Variants in GPS2 observed in about 807,000 individuals in gnomAD.
The protein encoded by GPS2 is GPS-2.
Under a neutral mutation model 48.1 loss-of-function variants are expected in GPS2, and 22 were observed. That is an observed-to-expected ratio of 0.46 (90% CI 0.33 to 0.65). The LOEUF (loss-of-function observed/expected upper bound fraction) is 0.65. GPS2 is among the 30% of genes least tolerant of loss of function. The pLI is 0.03. For missense variants in GPS2, 366 were observed against 406.8 expected (o/e 0.90, Z 0.86); for synonymous variants, 202 against 142.5 (o/e 1.42, Z -2.98).
chr17:7,313,466 G>A lies in GPS2; in HGVS notation c.638C>T (p.Pro213Leu), dbSNP rs1297241292. 6 of 1,614,196 alleles carry A rather than the reference G, an allele frequency of 3.7e-6. No homozygotes were observed. The highest frequency in any genetic ancestry group is 5.1e-6 in the Non-Finnish European group (6 of 1,180,016). Residue 213 changes from proline to leucine, a missense_variant, in exon 8 of 11, where the codon CCT becomes CTT. Around this residue, in one of 3 missense-constraint regions of GPS2, gnomAD observed 275 missense variants for 282.3 expected, o/e 0.97. Coordinates refer to ENST00000380728, the MANE Select transcript of GPS2 (RefSeq NM_004489.5). ...GTACTGCACTGCAGGGAATGCCGAA[G>A]GAGCTGAGAAAGGAAAAGACAGAGC... ...AYSPSQQLRA[P>L]SAFPAVQYLS...
chr17:7,314,944 AT>A lies in GPS2; in HGVS notation c.94+14del. ...ATTCTGGGCCGTGCGTCCCCCTGCTATGGCCCCGGCTCACCCTGCCGCTTGC... is the reference window on the plus strand; with the variant it reads ...ATTCTGGGCCGTGCGTCCCCCTGCTAGGCCCCGGCTCACCCTGCCGCTTGC... On this transcript the variant is annotated intron_variant, in intron 2 of 10. Transcript: ENST00000380728. 6.4e-7 allele frequency: 1 copy of A among 1,565,032 alleles called. No individual in the cohort carries two copies. Among genetic ancestry groups the A allele is most frequent in the Non-Finnish European group, 8.7e-7 (1 of 1,155,402 alleles).
chr17:7,314,151 G>T lies in GPS2; in HGVS notation c.326C>A (p.Thr109Asn). 1 of 1,613,532 alleles carries T rather than the reference G, an allele frequency of 6.2e-7. No homozygotes were observed. Reference protein sequence around the residue: ...KRRRKEQSDLTTLTSAAYQQS... With the variant: ...KRRRKEQSDLNTLTSAAYQQS... Reference sequence around the variant, plus strand: ...CTGGTATGCAGCTGATGTTAGGGTGGTCAGGTCACTGGAGTGAAAGGAAGA... The same window carrying T: ...CTGGTATGCAGCTGATGTTAGGGTGTTCAGGTCACTGGAGTGAAAGGAAGA... The change falls in exon 5 of 11, where the codon ACC becomes AAC. Residue 109 changes from threonine to asparagine, a missense_variant. By Grantham distance (65) the Thr-to-Asn change is moderately conservative. Transcript: ENST00000380728.
intron 7 of GPS2, 46 bp downstream of exon 7, chr17:7,313,522 C>T (rs764718125): frequency 6.2e-7 from 1 of 1,613,578 alleles, no homozygotes; most frequent in Admixed American, 1.7e-5. Context: ...TGGCATTCCT[C>T]CTTTGACCTT....
At chr17:7,312,908 A>G in intron 10 of GPS2, 69 bp from the exon 11 acceptor site, 1 of 1,508,294 alleles carries the variant, frequency 6.6e-7, no homozygotes, top group Non-Finnish European at 9.2e-7. Context: ...TACCCTACTG[A>G]TAACCACCCC....
chr17:7,313,037 C>T lies in GPS2; in HGVS notation c.892G>A (p.Ala298Thr). 2 of 1,547,340 alleles carry T rather than the reference C, an allele frequency of 1.3e-6. No individual in the cohort carries two copies. The highest frequency in any genetic ancestry group is 1.2e-5 in the South Asian group (1 of 80,182). ...SPQLPVQMQP[A>T]GKSGFAATSQ... ...TCTATTACCATTCTTACCTTTCCTG[C>T]TGGCTGCATCTGCACAGGGAGCTGG... The change falls in exon 10 of 11, where the codon GCA (alanine) becomes ACA (threonine). Residue 298 changes from alanine (A) to threonine (T), a missense_variant. Ala to Thr is a moderately conservative substitution (Grantham distance 58). Coordinates refer to ENST00000380728, the MANE Select transcript of GPS2 (RefSeq NM_004489.5).
At chr17:7,313,523 C>G in intron 7 of GPS2, 45 bp downstream of exon 7, 1 of 1,613,442 alleles carries the variant, frequency 6.2e-7, no homozygotes, top group Non-Finnish European at 8.5e-7. Flanking sequence ...GGCATTCCTC[C>G]TTTGACCTTG....
chr17:7,314,444 C>G, intron 3 of GPS2, 41 bp from the exon 4 acceptor site: 2 of 1,614,080 alleles, frequency 1.2e-6, no homozygotes, highest in South Asian at 2.2e-5. Flanking sequence ...CAGGGAGAGT[C>G]AAACGAAGAA....
intron 3 of GPS2, 36 bp downstream of exon 3, chr17:7,314,452 G>T (rs778534546): frequency 6.2e-7 from 1 of 1,614,110 alleles, no homozygotes; most frequent in Non-Finnish European, 8.5e-7. Context: ...GTCAAACGAA[G>T]AAATCAAAGC....
chr17:7,315,216 C>A, intron 1 of GPS2, 97 bp from the exon 2 acceptor site: 1 of 383,492 alleles, frequency 2.6e-6, no homozygotes, highest in Non-Finnish European at 4.5e-6. Context: ...GTCCCAGGAG[C>A]CCGCCACCCG....
rs767280768 is a variant in GPS2, at chr17:7,315,081, G to A, written c.-29C>T. ...GCTGCCGTGGGCGCTCGGGCCGTGGGCGCCCGGCTGTCTCTGACTGCCAGA... is the reference window on the plus strand; with the variant it reads ...GCTGCCGTGGGCGCTCGGGCCGTGGACGCCCGGCTGTCTCTGACTGCCAGA... On this transcript the variant is annotated 5_prime_UTR_variant, in exon 2 of 11. Transcript: ENST00000380728. 6.5e-7 allele frequency: 1 copy of A among 1,538,798 alleles called. No homozygotes were observed. The highest frequency in any genetic ancestry group is 1.9e-5 in the Admixed American group (1 of 52,386).
chr17:7,315,097 G>C lies in GPS2; in HGVS notation c.-45C>G. The C allele has an allele frequency of 6.8e-7, 1 of 1,478,336 alleles. No homozygotes were observed. The highest frequency in any genetic ancestry group is 9.1e-7 in the Non-Finnish European group (1 of 1,096,294). The allele number at this position is 1,478,336 out of a possible 1,614,324, so 91.6% of individuals were successfully genotyped here. A position where few individuals can be genotyped will look rare whatever the true frequency, so the allele number is the denominator to read the frequency against. On this transcript the variant is annotated 5_prime_UTR_variant, in exon 2 of 11. Coordinates refer to ENST00000380728, the MANE Select transcript of GPS2 (RefSeq NM_004489.5). ...GGGCCGTGGGCGCCCGGCTGTCTCT[G>C]ACTGCCAGACCTCAGACGGGGCCTG...
At chr17:7,314,729 A>C in intron 2 of GPS2, 132 bp from the exon 3 acceptor site, 2 of 1,524,578 alleles carry the variant, frequency 1.3e-6, no homozygotes, top group South Asian at 2.4e-5. Flanking sequence ...CAAGCTCCCC[A>C]TCGCGGCAAT....
In GPS2 at chr17:7,313,123, G is replaced by A. The variant is rs1434475819; in HGVS notation, c.806C>T (p.Ser269Phe). Reference protein sequence around the residue: ...ANQQTGFSDSSSLRPMHPQAL... With the variant: ...ANQQTGFSDSFSLRPMHPQAL... ...CTGGGGGTGCATGGGGCGCAGAGAGGACTGCAGAGAACAGAGTCAGGGCCT... is the reference window on the plus strand; with the variant it reads ...CTGGGGGTGCATGGGGCGCAGAGAGAACTGCAGAGAACAGAGTCAGGGCCT... The change falls in exon 10 of 11, where the codon TCC becomes TTC. Residue 269 changes from serine (S) to phenylalanine (F), a missense_variant and splice_region_variant. Ser to Phe is a radical substitution (Grantham distance 155). This residue lies in a region of GPS2 where 275 missense variants were observed against 282.3 expected (regional missense o/e 0.97). Coordinates refer to ENST00000380728, the MANE Select transcript of GPS2 (RefSeq NM_004489.5). 1.2e-6 allele frequency: 2 copies of A among 1,602,756 alleles called. No homozygotes were observed. The highest frequency in any genetic ancestry group is 1.7e-6 in the Non-Finnish European group (2 of 1,171,720).
intron 2 of GPS2, 92 bp downstream of exon 2, chr17:7,314,867 C>T: frequency 6.9e-7 from 1 of 1,439,750 alleles, no homozygotes; most frequent in Non-Finnish European, 9.5e-7. Flanking sequence ...CGCTCGGCAG[C>T]GGGCGCGCTG....
At chr17:7,314,457 C>G (rs2072910643) in intron 3 of GPS2, 31 bp downstream of exon 3, 2 of 1,614,094 alleles carry the variant, frequency 1.2e-6, no homozygotes, top group Non-Finnish European at 1.7e-6. Flanking sequence ...ACGAAGAAAT[C>G]AAAGCTGGGA....
chr17:7,314,931 G>A (rs937152617), intron 2 of GPS2, 28 bp downstream of exon 2: 3 of 1,556,976 alleles, frequency 1.9e-6, no homozygotes, highest in Non-Finnish European at 2.6e-6. Flanking sequence ...TCTGGGCCGT[G>A]CGTCCCCCTG....
chr17:7,314,902 C>T (rs1203650038), intron 2 of GPS2, 57 bp downstream of exon 2: 5 of 1,535,826 alleles, frequency 3.3e-6, no homozygotes, highest in Non-Finnish European at 4.4e-6. Context: ...TGAGGCCAGC[C>T]TTGAGGTACA....
chr17:7,313,337 G>A (rs375158161), intron 8 of GPS2, 43 bp downstream of exon 8: 22 of 1,610,644 alleles, frequency 1.4e-5, no homozygotes, highest in Non-Finnish European at 1.5e-5. Flanking sequence ...AAACAGGGAG[G>A]GGAGGACCTG....
Position 7,313,308 on chromosome 17 carries a change from G to C in GPS2, c.725-17C>G. On this transcript the variant is annotated splice_polypyrimidine_tract_variant and intron_variant, in intron 8 of 10. Transcript: ENST00000380728. Reference sequence around the variant, plus strand: ...GGAGGAAACCTAGGTGGGGAAGAGGGGCATGTGAGATGAGAATGAAACAGG... The same window carrying C: ...GGAGGAAACCTAGGTGGGGAAGAGGCGCATGTGAGATGAGAATGAAACAGG... 6.2e-7 allele frequency: 1 copy of C among 1,613,116 alleles called. No individual in the cohort carries two copies. Among genetic ancestry groups the C allele is most frequent in the Non-Finnish European group, 8.5e-7 (1 of 1,179,156 alleles).
Sources: allele counts gnomAD v4.1 joint callset, GRCh38; gene constraint gnomAD v4.1.1; regional missense constraint gnomAD v4.1.1; transcripts MANE v1.5; gene names NCBI Gene and HGNC (gene_info 2026-07-23, HGNC 2026-07-21).